PCDH11X: variants seen among roughly 807,000 people sequenced by gnomAD.
The protein encoded by PCDH11X is protocadherin-11 X-linked.
In PCDH11X, 18 loss-of-function variants were observed where a neutral mutation model predicts 53.3. The observed-to-expected ratio is 0.34, with a 90% CI of 0.23 to 0.50. The LOEUF is 0.50. Among genes scored for constraint, PCDH11X ranks in the 20% least tolerant of loss-of-function variants. PCDH11X has a pLI of 0.98. For synonymous variants in PCDH11X, 279 were observed against 393.3 expected (o/e 0.71, Z 3.44); for missense variants, 570 against 1,032.4 (o/e 0.55, Z 6.14).
chrX:92,482,256 A>G (rs1262049030), intron 10 of PCDH11X, among the ~76,000 whole-genome samples: 4 of 112,246 alleles, frequency 3.6e-5, no homozygotes, highest in Admixed American at 9.5e-5. Context: ...TAATACAATA[A>G]TAGCATTCTT....
At chrX:92,272,771 G>A (rs1228125818) in intron 8 of PCDH11X, among the ~76,000 whole-genome samples, 1 of 111,959 alleles carries the variant, frequency 8.9e-6, no homozygotes, top group Non-Finnish European at 1.9e-5. Flanking sequence ...TCTAGTGCTT[G>A]GTGATGAAGG....
Position 92,611,342 on chromosome X carries a change from C to CT in PCDH11X, c.3368-6911dup, listed in dbSNP as rs57553012. ...CTGCCTTGGTTAGATTTATTCCTAG[C>CT]TTTTTTTTTTTGGCTATTGCAAATA... is the stretch of plus-strand genomic sequence containing the variant. On this transcript the variant is annotated intron_variant, in intron 10 of 10. Transcript: ENST00000682573. Among the ~76,000 whole-genome samples the CT allele has an allele frequency of 3.3e-3, 335 of 100,913 alleles. 1 individual carries two copies. Among genetic ancestry groups the CT allele is most frequent in the African/African-American group, 9.2e-3 (258 of 28,151 alleles). 87.6% of individuals were successfully genotyped at this position (100,913 alleles called of 115,157 possible).
chrX:91,922,664 G>C (rs1941788729), intron 6 of PCDH11X, among the ~76,000 whole-genome samples: 1 of 112,320 alleles, frequency 8.9e-6, no homozygotes, highest in Non-Finnish European at 1.9e-5. Flanking sequence ...GATCTAGGTT[G>C]TGCGTTCCTT....
intron 10 of PCDH11X, among the ~76,000 whole-genome samples, chrX:92,553,869 C>G (rs1445493534): frequency 9.0e-6 from 1 of 110,949 alleles, no homozygotes; most frequent in Admixed American, 9.7e-5. Flanking sequence ...CACTGCGTTA[C>G]TCAGAATAGA....
intron 9 of PCDH11X, among the ~76,000 whole-genome samples, chrX:92,393,484 G>C (rs2071177516): frequency 1.8e-5 from 2 of 110,450 alleles, no homozygotes; most frequent in African/African-American, 3.3e-5. Flanking sequence ...ATGGCCCCGG[G>C]TTCTGGAAAT....
At chrX:91,971,060 T>C (rs867012453) in intron 6 of PCDH11X, among the ~76,000 whole-genome samples, 55 of 111,785 alleles carry the variant, frequency 4.9e-4, no homozygotes, top group African/African-American at 1.7e-3. Flanking sequence ...CATAATTACC[T>C]GCTCTTTACT....
chrX:91,895,842 TTAACA>T (rs1446850970), intron 6 of PCDH11X, among the ~76,000 whole-genome samples: 1 of 106,819 alleles, frequency 9.4e-6, no homozygotes, highest in Non-Finnish European at 1.9e-5. Flanking sequence ...TGTAATACAC[TTAACA>T]TTACATACAT....
intron 9 of PCDH11X, chrX:92,420,669 AT>A (rs1479875247): frequency 5.6e-6 from 1 of 179,147 alleles, no homozygotes; most frequent in Non-Finnish European, 1.1e-5. Flanking sequence ...AACATTGGTA[AT>A]TCAAATTATT....
chrX:92,491,814 A>G (rs897028380), intron 10 of PCDH11X, among the ~76,000 whole-genome samples: 4 of 111,333 alleles, frequency 3.6e-5, no homozygotes, highest in Admixed American at 1.9e-4. Flanking sequence ...ATTAAATATC[A>G]TTGAGATCAT....
intron 4 of PCDH11X, among the ~76,000 whole-genome samples, chrX:91,828,367 G>A (rs1211828733): frequency 2.7e-5 from 3 of 110,435 alleles, no homozygotes; most frequent in African/African-American, 6.6e-5. Flanking sequence ...TGATCCGCCC[G>A]CTTCGGCCAA....
intron 10 of PCDH11X, among the ~76,000 whole-genome samples, chrX:92,571,014 T>C (rs190933741): frequency 1.5e-3 from 173 of 112,391 alleles, no homozygotes; most frequent in Non-Finnish European, 2.4e-3. Context: ...AGATAAAGAA[T>C]ATCTTTGACG....
chrX:91,816,365 G>A (rs1409958064), intron 4 of PCDH11X, among the ~76,000 whole-genome samples: 1 of 110,670 alleles, frequency 9.0e-6, no homozygotes, highest in African/African-American at 3.3e-5. Flanking sequence ...ATTTTTTAGG[G>A]AAGAAAGGGA....
At chrX:91,983,099 C>T (rs989126132) in intron 6 of PCDH11X, 1 of 1,082,629 alleles carries the variant, frequency 9.2e-7, no homozygotes, top group Non-Finnish European at 1.3e-6. Flanking sequence ...GGATGGAAGG[C>T]CCAGCAATGT....
intron 6 of PCDH11X, among the ~76,000 whole-genome samples, chrX:92,044,015 G>T (rs1487424244): frequency 9.0e-6 from 1 of 111,390 alleles, no homozygotes; most frequent in Non-Finnish European, 1.9e-5. Context: ...TAGTCTAGCT[G>T]CTTGGCAATG....
At chrX:92,572,799 C>T (rs1922359427) in intron 10 of PCDH11X, among the ~76,000 whole-genome samples, 1 of 97,147 alleles carries the variant, frequency 1.0e-5, no homozygotes, top group Non-Finnish European at 2.1e-5. Flanking sequence ...CAAGAGAATC[C>T]CTTGAATCTG....
chrX:92,411,639 G>T (rs1417182342), intron 9 of PCDH11X, among the ~76,000 whole-genome samples: 3 of 108,903 alleles, frequency 2.8e-5, no homozygotes, highest in African/African-American at 1.0e-4. Context: ...ATAATATTCC[G>T]TGGTGTATAA....
At position 91,821,885 on chromosome X, in the gene PCDH11X, G is replaced by T. The variant is rs1460787340; in HGVS notation, c.-45+10590G>T. Among the ~76,000 whole-genome samples, 37 of 96,562 alleles carry T rather than the reference G, an allele frequency of 3.8e-4. No individual in the cohort carries two copies. The South Asian group carries it at 3.8e-3, about 10-fold the overall frequency. 83.9% of individuals were successfully genotyped at this position (96,562 alleles called of 115,157 possible). ...TTTATTGAGAGTTTTTAGCATGAAG[G>T]GTTGTTGAATTTTGTCAAAGGCCTT... is the stretch of plus-strand genomic sequence containing the variant. On this transcript the variant is annotated intron_variant, in intron 4 of 10. Transcript: ENST00000682573.
intron 10 of PCDH11X, among the ~76,000 whole-genome samples, chrX:92,591,877 T>A (rs1925071729): frequency 9.0e-6 from 1 of 110,909 alleles, no homozygotes; most frequent in Admixed American, 9.6e-5. Context: ...ATCATGGGGA[T>A]CATGGGGATT....
chrX:92,460,834 T>G, intron 9 of PCDH11X: 1 of 1,069,759 alleles, frequency 9.3e-7, no homozygotes, highest in Non-Finnish European at 1.3e-6. Flanking sequence ...GACTTCACTC[T>G]TGGTGATGCC....
Sources: allele counts gnomAD v4.1 joint callset (sites outside exome capture counted in the v4.1 genomes callset), GRCh38; gene constraint gnomAD v4.1.1; transcripts MANE v1.5; gene names NCBI Gene and HGNC (gene_info 2026-07-23, HGNC 2026-07-21).